CADPS: variants seen among roughly 807,000 people sequenced by gnomAD.
CADPS encodes the protein calcium-dependent secretion activator 1.
Under a neutral mutation model 167.3 loss-of-function variants are expected in CADPS, and 57 were observed. The observed-to-expected ratio is 0.34, with a 90% confidence interval of 0.28 to 0.42. The LOEUF is 0.42. CADPS is among the 20% of genes least tolerant of loss of function. The pLI is 1.00. For missense variants in CADPS, 1,414 were observed against 1,738.1 expected, an observed-to-expected ratio of 0.81 and a Z score of 3.32; for synonymous variants, 676 against 635.3, an observed-to-expected ratio of 1.06 and a Z score of -0.96.
rs1410383014 is a variant in CADPS, at chr3:62,420,969, T to C, written c.3777+17135A>G. ...TACCCTGGGGAGCCAGCCATCTCAT[T>C]TCTGTAAAAGGCACAAACCTCAGAC... On this transcript the variant is annotated intron_variant, in intron 28 of 29. Transcript: ENST00000383710. This position sits in a 1 kb window ranked among gnomAD's most constrained non-coding sequence, Gnocchi z 4.1. Among the ~76,000 whole-genome samples the C allele has an allele frequency of 6.6e-6, 1 of 151,414 alleles. No individual in the cohort carries two copies. The highest frequency in any genetic ancestry group is 1.5e-5 in the Non-Finnish European group (1 of 67,914).
intron 1 of CADPS, among the ~76,000 whole-genome samples, chr3:62,825,295 C>T (rs2073839115): frequency 6.6e-6 from 1 of 152,162 alleles, no homozygotes; most frequent in East Asian, 1.9e-4. Flanking sequence ...CACTTAATGT[C>T]CTTATTTTAG....
chr3:62,438,661 T>C lies in CADPS; in HGVS notation c.3670-450A>G. On this transcript the variant is annotated intron_variant, in intron 27 of 29. Coordinates refer to ENST00000383710, the MANE Select transcript of CADPS (RefSeq NM_003716.4). This position sits in a 1 kb window ranked among gnomAD's most constrained non-coding sequence, Gnocchi z 4.7. Reference sequence around the variant, plus strand: ...TTCCTCTTTTAAAATATTGAGAAAGTACTAAGTAAAAAAAATTGTGTTTCA... The same window carrying C: ...TTCCTCTTTTAAAATATTGAGAAAGCACTAAGTAAAAAAAATTGTGTTTCA... The C allele has an allele frequency of 6.1e-6, 1 of 164,492 alleles. No individual in the cohort carries two copies. The allele number at this position is 164,492 out of a possible 1,614,324, so 10.2% of individuals were successfully genotyped here.
intron 3 of CADPS, among the ~76,000 whole-genome samples, chr3:62,724,925 G>A (rs580940): frequency 0.23 from 34,247 of 152,168 alleles, 4,115 homozygotes; most frequent in African/African-American, 0.3. Context: ...TGAATTTCAC[G>A]GCTAATTCTT....
At chr3:62,846,471 G>C (rs1335149173) in intron 1 of CADPS, among the ~76,000 whole-genome samples, 1 of 152,112 alleles carries the variant, frequency 6.6e-6, no homozygotes, top group African/African-American at 2.4e-5. Flanking sequence ...CCTTCTTCAT[G>C]TGTTACTTGA....
chr3:62,570,654 G>A (rs542258640), intron 9 of CADPS, among the ~76,000 whole-genome samples: 1 of 152,264 alleles, frequency 6.6e-6, no homozygotes, highest in South Asian at 2.1e-4. Flanking sequence ...AAATTTAAAA[G>A]TGATATAAAA....
intron 1 of CADPS, among the ~76,000 whole-genome samples, chr3:62,865,961 T>C (rs553499922): frequency 5.8e-4 from 89 of 152,274 alleles, no homozygotes; most frequent in African/African-American, 2.1e-3. Flanking sequence ...TTGTGGCTGA[T>C]GGTAAATTAA....
At chr3:62,656,187 C>T (rs917182769) in intron 4 of CADPS, among the ~76,000 whole-genome samples, 1 of 152,132 alleles carries the variant, frequency 6.6e-6, no homozygotes, top group Non-Finnish European at 1.5e-5. Flanking sequence ...TACACACATA[C>T]ACCCCTTGCA....
chr3:62,658,074 T>C lies in CADPS; in HGVS notation c.969+4240A>G, dbSNP rs1043701169. 6.6e-5 allele frequency among the ~76,000 whole-genome samples: 10 copies of C among 152,138 alleles called. No individual in the cohort carries two copies. In the South Asian group the frequency reaches 8.3e-4, roughly 13 times the overall value. On this transcript the variant is annotated intron_variant, in intron 4 of 29. Coordinates refer to ENST00000383710, the MANE Select transcript of CADPS (RefSeq NM_003716.4). ...GGGGGAACCAGCAGGGAGTGAAGAA[T>C]TGGGGGAGTCCTGTCCTGGAGTAAC... is the stretch of plus-strand genomic sequence containing the variant.
rs1315581186 is a variant in CADPS at position 62,412,147 on chromosome 3, T to A, written c.3778-8962A>T. ...GTGTCATTTTTAGTTGAGGGTAGGA[T>A]TTTTTTTTTTTTTTTTTAACGTCCG... On this transcript the variant is annotated intron_variant, in intron 28 of 29. Coordinates refer to ENST00000383710, the MANE Select transcript of CADPS (RefSeq NM_003716.4). This position sits in a 1 kb window ranked among gnomAD's most constrained non-coding sequence, Gnocchi z 4.1. Among the ~76,000 whole-genome samples, 1 of 25,590 alleles carries A rather than the reference T, an allele frequency of 3.9e-5. No homozygotes were observed. Among genetic ancestry groups the A allele is most frequent in the African/African-American group, 7.5e-5 (1 of 13,368 alleles). 16.8% of individuals were successfully genotyped at this position (25,590 alleles called of 152,430 possible). A position where few individuals can be genotyped will look rare whatever the true frequency, so the allele number is the denominator to read the frequency against.
chr3:62,419,228 A>T (rs1372922430), intron 28 of CADPS, among the ~76,000 whole-genome samples: 1 of 152,170 alleles, frequency 6.6e-6, no homozygotes, highest in Non-Finnish European at 1.5e-5. Context: ...TCAGCTTCTA[A>T]CCAGGCCTTG....
intron 1 of CADPS, among the ~76,000 whole-genome samples, chr3:62,845,475 T>G (rs1350833852): frequency 1.3e-5 from 2 of 152,166 alleles, no homozygotes; most frequent in Non-Finnish European, 2.9e-5. Context: ...GAAATAAGAT[T>G]ATATAAATAA....
At chr3:62,768,616 A>G (rs1464530900) in intron 1 of CADPS, among the ~76,000 whole-genome samples, 1 of 152,032 alleles carries the variant, frequency 6.6e-6, no homozygotes, top group Non-Finnish European at 1.5e-5. Flanking sequence ...TGGTCAACAC[A>G]CTCAACCCCT....
At chr3:62,818,724 GA>G (rs750770724) in intron 1 of CADPS, among the ~76,000 whole-genome samples, 60 of 152,198 alleles carry the variant, frequency 3.9e-4, no homozygotes, top group Non-Finnish European at 6.2e-4. Context: ...AAACGTATAT[GA>G]GAATGAGCAT....
At chr3:62,511,054 C>T (rs887045915) in intron 17 of CADPS, among the ~76,000 whole-genome samples, 21 of 151,990 alleles carry the variant, frequency 1.4e-4, no homozygotes, top group Admixed American at 3.3e-4. Context: ...CAGTGTAAAC[C>T]GCCAACCCAT....
At chr3:62,443,006 G>A (rs922562747) in intron 27 of CADPS, among the ~76,000 whole-genome samples, 5 of 152,078 alleles carry the variant, frequency 3.3e-5, no homozygotes, top group South Asian at 2.1e-4. Flanking sequence ...AGCTATTAAA[G>A]CGTATGTTAA....
intron 3 of CADPS, among the ~76,000 whole-genome samples, chr3:62,671,208 G>A (rs1433745258): frequency 6.6e-6 from 1 of 151,974 alleles, no homozygotes; most frequent in African/African-American, 2.4e-5. Context: ...GGGTTGCAAG[G>A]TTAAGGCCAT....
At chr3:62,510,118 C>A (rs918317955) in intron 17 of CADPS, among the ~76,000 whole-genome samples, 1 of 152,084 alleles carries the variant, frequency 6.6e-6, no homozygotes, top group African/African-American at 2.4e-5. Flanking sequence ...CATCCACCCA[C>A]CCACCTATCT....
At chr3:62,694,046 C>G (rs1047950897) in intron 3 of CADPS, among the ~76,000 whole-genome samples, 7 of 152,012 alleles carry the variant, frequency 4.6e-5, no homozygotes, top group Non-Finnish European at 7.4e-5. Context: ...CCCCAGTGCT[C>G]GCTCAATGGG....
At chr3:62,698,757 T>TTTA (rs1554088701) in intron 3 of CADPS, among the ~76,000 whole-genome samples, 1 of 79,356 alleles carries the variant, frequency 1.3e-5, no homozygotes, top group Non-Finnish European at 2.4e-5. Flanking sequence ...TTTTTTTTTT[T>TTTA]CAGACAGGGT....
Sources: gnomAD v4.1 joint callset for allele counts (sites outside exome capture counted in the v4.1 genomes callset) on GRCh38, gnomAD v4.1.1 for gene constraint, Gnocchi (gnomAD v3.1) non-coding constraint, MANE v1.5 for transcripts, NCBI Gene and HGNC (gene_info 2026-07-23, HGNC 2026-07-21) for gene names.